Variants in ENKUR observed in about 807,000 individuals in gnomAD.
ENKUR encodes enkurin, TRPC channel interacting protein, also known as enkurin.
In ENKUR, 19 loss-of-function variants were observed where a neutral mutation model predicts 27.6. That is an observed-to-expected ratio of 0.69 (90% CI 0.48 to 1.01). The LOEUF (loss-of-function observed/expected upper bound fraction) is 1.01, where lower values mean the gene tolerates loss of function less well. Among genes scored for constraint, ENKUR ranks in the 50% least tolerant of loss-of-function variants. The probability of loss-of-function intolerance (pLI) is 0.00; values close to 1 mark genes in which losing one functional copy is unlikely to be tolerated. For missense variants in ENKUR, 312 were observed against 310.5 expected (o/e 1.00, Z -0.04); for synonymous variants, 117 against 96.9 (o/e 1.21, Z -1.22).
chr10:25,010,255 A>G (rs1371712401), intron 1 of ENKUR, among the ~76,000 whole-genome samples: 1 of 152,206 alleles, frequency 6.6e-6, no homozygotes, highest in Non-Finnish European at 1.5e-5. Flanking sequence ...ATGTTTTAGC[A>G]AAGAGACTGG....
chr10:25,054,576 TTTTC>T (rs1851231467), intron 2 of ENKUR, among the ~76,000 whole-genome samples: 1 of 149,468 alleles, frequency 6.7e-6, no homozygotes, highest in African/African-American at 2.5e-5. Context: ...TCCTTCTTTC[TTTTC>T]TTTCTTCCTT....
intron 2 of ENKUR, among the ~76,000 whole-genome samples, chr10:25,030,285 G>A (rs776954762): frequency 7.2e-5 from 11 of 151,958 alleles, no homozygotes; most frequent in Non-Finnish European, 1.2e-4. Context: ...TGATTTTAGC[G>A]TGTGCTTTTA....
intron 2 of ENKUR, among the ~76,000 whole-genome samples, chr10:25,050,586 C>T (rs1325296779): frequency 1.3e-5 from 2 of 152,114 alleles, no homozygotes; most frequent in Admixed American, 1.3e-4. Context: ...TTCTACGACT[C>T]GTGGGAACTA....
At position 24,990,597 on chromosome 10, in the gene ENKUR, T is replaced by C. The variant is rs1849906452; in HGVS notation, c.460A>G (p.Thr154Ala). The change falls in exon 4 of 6, where the codon ACA becomes GCA. Residue 154 changes from threonine (T) to alanine (A), a missense_variant. Transcript: ENST00000331161. Reference sequence around the variant, plus strand: ...TTTCGCTTACATATGTATTCAGGTGTGACACCATAATCCTAAAAAGATTTT... The same window carrying C: ...TTTCGCTTACATATGTATTCAGGTGCGACACCATAATCCTAAAAAGATTTT... ...KYINKKDYGV[T>A]PEYICKRNEE... The C allele has an allele frequency of 6.3e-7, 1 of 1,599,082 alleles. No homozygotes were observed. The highest frequency in any genetic ancestry group is 1.8e-5 in the Admixed American group (1 of 55,314).
At chr10:25,026,573 TG>T (rs1016612323) in intron 2 of ENKUR, 9 of 166,178 alleles carry the variant, frequency 5.4e-5, no homozygotes, top group African/African-American at 2.2e-4. Flanking sequence ...ATATTTAATT[TG>T]TATTCCTTTG....
intron 2 of ENKUR, among the ~76,000 whole-genome samples, chr10:25,054,698 T>C (rs1365631889): frequency 1.3e-5 from 2 of 150,714 alleles, no homozygotes; most frequent in African/African-American, 2.5e-5. Flanking sequence ...TTTTTTTTTT[T>C]CTGAGACAGG....
At chr10:25,003,816 C>T (rs1850249637) in intron 1 of ENKUR, among the ~76,000 whole-genome samples, 1 of 152,202 alleles carries the variant, frequency 6.6e-6, no homozygotes, top group Non-Finnish European at 1.5e-5. Flanking sequence ...TCCTGATCCT[C>T]TCCCTCCTTC....
At chr10:25,060,602 T>C (rs986765824) in intron 2 of ENKUR, among the ~76,000 whole-genome samples, 4 of 152,220 alleles carry the variant, frequency 2.6e-5, no homozygotes. Context: ...TCTTCAATTA[T>C]AAAGTTTGAA....
At chr10:25,027,356 T>TAAAAAAAAAAAA (rs1564352066) in intron 2 of ENKUR, among the ~76,000 whole-genome samples, 468 of 45,698 alleles carry the variant, frequency 0.01, 82 homozygotes, top group South Asian at 0.028. Context: ...GACTCCCGTC[T>TAAAAAAAAAAAA]CAAAAAAAAA....
rs182883235 is a variant in ENKUR, at chr10:24,990,911, C to T, written c.448-302G>A. On this transcript the variant is annotated intron_variant, in intron 3 of 5. Coordinates refer to ENST00000331161, the MANE Select transcript of ENKUR (RefSeq NM_145010.4). ...GGTCAGGAGTTCGAGACCAGCCTGG[C>T]CAACATGGTGAAACCCCGTCTCTAC... Among the ~76,000 whole-genome samples, 26 of 152,214 alleles carry T rather than the reference C, an allele frequency of 1.7e-4. 1 individual carries two copies. Among genetic ancestry groups the T allele is most frequent in the African/African-American group, 6.3e-4 (26 of 41,538 alleles).
chr10:25,048,027 C>T (rs573191515), intron 2 of ENKUR, among the ~76,000 whole-genome samples: 1 of 152,152 alleles, frequency 6.6e-6, no homozygotes, highest in South Asian at 2.1e-4. Flanking sequence ...AGTCCTGTTC[C>T]TTCCTTACCC....
At chr10:25,030,161 A>G (rs918002570) in intron 2 of ENKUR, among the ~76,000 whole-genome samples, 7 of 152,010 alleles carry the variant, frequency 4.6e-5, no homozygotes, top group African/African-American at 1.7e-4. Flanking sequence ...TTTCCTTTCT[A>G]TTCACATTGT....
rs774289015 is a variant in ENKUR, at chr10:25,025,277, A to G, written c.38-29408T>C. The G allele has an allele frequency of 1.5e-5, 24 of 1,614,110 alleles. No individual in the cohort carries two copies. The highest frequency in any genetic ancestry group is 6.7e-5 in the East Asian group (3 of 44,898). On this transcript the variant is annotated intron_variant, in intron 2 of 5. Transcript: ENST00000615958. ...CAGGCTTTAAAGATTAAAGAAATCA[A>G]TGAGACTTCATCAAGTCAGCTCTAT...
chr10:24,988,236 A>G (rs1020529686), intron 4 of ENKUR, among the ~76,000 whole-genome samples: 55 of 143,422 alleles, frequency 3.8e-4, no homozygotes, highest in East Asian at 1.4e-3. Flanking sequence ...AAAAAAATGT[A>G]TATATATATA....
chr10:25,043,043 G>A (rs568997477), intron 2 of ENKUR, among the ~76,000 whole-genome samples: 7 of 152,050 alleles, frequency 4.6e-5, no homozygotes, highest in African/African-American at 9.6e-5. Context: ...ATGTGAGAGC[G>A]GCATTATGTT....
chr10:24,991,462 A>G (rs891666512), intron 3 of ENKUR, among the ~76,000 whole-genome samples: 8 of 151,472 alleles, frequency 5.3e-5, no homozygotes, highest in Non-Finnish European at 1.0e-4. Context: ...GGAACACATC[A>G]ATGGAAGAAC....
chr10:25,012,389 A>G (rs528100218), intron 1 of ENKUR, among the ~76,000 whole-genome samples: 1 of 152,310 alleles, frequency 6.6e-6, no homozygotes, highest in South Asian at 2.1e-4. Context: ...CACTGAGAGC[A>G]TGCACCATGC....
At position 25,015,887 on chromosome 10, in the gene ENKUR, T is replaced by A. The variant is rs751333108; in HGVS notation, c.50A>T (p.Asp17Val). 1 of 1,606,354 alleles carries A rather than the reference T, an allele frequency of 6.2e-7. No homozygotes were observed. The highest frequency in any genetic ancestry group is 1.3e-5 in the African/African-American group (1 of 74,826). ...AGGAGGCTGGGGAGGCTCCTTCAAGTCACTGGGTATGAGGTTATAAATGCA... is the reference window on the plus strand; with the variant it reads ...AGGAGGCTGGGGAGGCTCCTTCAAGACACTGGGTATGAGGTTATAAATGCA... The part of the protein sequence containing the change: ...SECIYNLIPS[D>V]LKEPPQPPRY... Residue 17 changes from aspartate to valine, a missense_variant, in exon 1 of 6, where the codon GAC becomes GTC. Transcript: ENST00000331161.
chr10:24,988,894 G>C (rs1849862689), intron 4 of ENKUR, among the ~76,000 whole-genome samples: 3 of 151,708 alleles, frequency 2.0e-5, no homozygotes, highest in African/African-American at 7.3e-5. Flanking sequence ...AAGGAAGTGT[G>C]GCTCAGGGCT....
Sources: allele counts gnomAD v4.1 joint callset (sites outside exome capture counted in the v4.1 genomes callset), GRCh38; gene constraint gnomAD v4.1.1; transcripts MANE v1.5; gene names NCBI Gene and HGNC (gene_info 2026-07-23, HGNC 2026-07-21).